BRF1: variants seen among roughly 807,000 people sequenced by gnomAD.
BRF1 encodes transcription factor IIIB 90 kDa subunit.
A neutral mutation model predicts 81.7 loss-of-function variants in BRF1; 59 were observed. The observed-to-expected ratio is 0.72, with a 90% CI of 0.59 to 0.90. The LOEUF is 0.90. Ranked by LOEUF, BRF1 falls within the 40% of genes least tolerant of loss-of-function variation. BRF1 has a pLI of 0.00. For missense variants in BRF1, 1,050 were observed against 936.3 expected, an observed-to-expected ratio of 1.12 and a Z score of -1.58; for synonymous variants, 491 against 395.6, an observed-to-expected ratio of 1.24 and a Z score of -2.86.
chr14:105,228,730 C>A, intron 7 of BRF1, 90 bp downstream of exon 7: 1 of 1,445,626 alleles, frequency 6.9e-7, no homozygotes, highest in Non-Finnish European at 9.6e-7. Flanking sequence ...GGCAGGGTCC[C>A]GGGAGGTGGC....
intron 5 of BRF1, among the ~76,000 whole-genome samples, chr14:105,243,829 C>G (rs970702076): frequency 1.3e-5 from 2 of 151,966 alleles, no homozygotes; most frequent in African/African-American, 2.4e-5. Flanking sequence ...AACCCCATCT[C>G]TACTAAAGAT....
intron 1 of BRF1, among the ~76,000 whole-genome samples, chr14:105,293,469 G>C (rs79420941): frequency 0.016 from 2,420 of 152,334 alleles, 28 homozygotes; most frequent in South Asian, 0.056. Context: ...TGCACAGGAC[G>C]AGGAGGGACC....
intron 2 of BRF1, among the ~76,000 whole-genome samples, chr14:105,283,346 C>T (rs1344915124): frequency 6.6e-6 from 1 of 152,188 alleles, no homozygotes; most frequent in African/African-American, 2.4e-5. Flanking sequence ...GGCATGGCCC[C>T]TGATGCTGCA....
chr14:105,273,151 G>A (rs1393095445), intron 2 of BRF1, among the ~76,000 whole-genome samples: 1 of 152,172 alleles, frequency 6.6e-6, no homozygotes, highest in East Asian at 1.9e-4. Context: ...TGTGCGGTGT[G>A]GCTGAATGTG....
At chr14:105,248,648 C>G in intron 5 of BRF1, 1 of 980,300 alleles carries the variant, frequency 1.0e-6, no homozygotes, top group Non-Finnish European at 1.2e-6. Flanking sequence ...CGGGCAGGGT[C>G]GCAGGGGCGG....
chr14:105,229,598 T>C (rs1277300646), intron 6 of BRF1, among the ~76,000 whole-genome samples: 1 of 152,136 alleles, frequency 6.6e-6, no homozygotes, highest in Non-Finnish European at 1.5e-5. Flanking sequence ...AGCTGCGACC[T>C]GGGGGGTCAC....
At chr14:105,219,989 C>G (rs756764977) in intron 12 of BRF1, 80 bp downstream of exon 12, 888 of 1,557,536 alleles carry the variant, frequency 5.7e-4, no homozygotes, top group Non-Finnish European at 7.6e-4. Flanking sequence ...GTGGCCAACC[C>G]CGCCCGACCA....
chr14:105,249,710 T>C, intron 5 of BRF1: 1 of 1,613,816 alleles, frequency 6.2e-7, no homozygotes, highest in South Asian at 1.1e-5. Flanking sequence ...TGCTAAGAAG[T>C]ACATCGTCCC....
intron 5 of BRF1, chr14:105,248,182 GC>G: frequency 1.0e-6 from 1 of 985,496 alleles, no homozygotes; most frequent in Non-Finnish European, 1.2e-6. Flanking sequence ...CTGGCTGCTG[GC>G]GTCCGTAGCA....
At chr14:105,299,212 A>C (rs2057879391) in intron 1 of BRF1, among the ~76,000 whole-genome samples, 1 of 152,054 alleles carries the variant, frequency 6.6e-6, no homozygotes, top group Non-Finnish European at 1.5e-5. Context: ...CACATATACA[A>C]CAAAGGGCTT....
intron 6 of BRF1, among the ~76,000 whole-genome samples, chr14:105,229,505 C>A (rs587598504): frequency 6.6e-6 from 1 of 152,182 alleles, no homozygotes; most frequent in Non-Finnish European, 1.5e-5. Flanking sequence ...ACCTGGGGCT[C>A]CAATTCCGGA....
intron 15 of BRF1, among the ~76,000 whole-genome samples, chr14:105,215,983 C>CAG (rs1555376220): frequency 7.7e-6 from 1 of 130,706 alleles, no homozygotes; most frequent in Admixed American, 7.4e-5. Flanking sequence ...ACACTGCATA[C>CAG]ACAGGCGCAC....
rs976431897 is a variant in BRF1 at position 105,269,847 on chromosome 14, G to A, written c.439+2874C>T. On this transcript the variant is annotated intron_variant, in intron 3 of 17. Transcript: ENST00000547530. The surrounding 1 kb of genome is among the most constrained non-coding windows in gnomAD (Gnocchi z 5.0). ...GTCCCAGTGCCGGCCTGCACCCTAG[G>A]CCCTGCTCCACAGCAGTCCCCACAC... is the stretch of plus-strand genomic sequence containing the variant. Among the ~76,000 whole-genome samples, 1 of 152,306 alleles carries A rather than the reference G, an allele frequency of 6.6e-6. No homozygotes were observed. Among genetic ancestry groups the A allele is most frequent in the South Asian group, 2.1e-4 (1 of 4,826 alleles).
At chr14:105,301,048 T>A, upstream of BRF1, 1 of 151,326 alleles carries the variant, frequency 6.6e-6, no homozygotes, top group Non-Finnish European at 1.5e-5. Flanking sequence ...GGACTGGAGT[T>A]TGGGGCGGGG....
Position 105,284,357 on chromosome 14 carries a change from C to T in BRF1, c.265+1939G>A, listed in dbSNP as rs372799485. Among the ~76,000 whole-genome samples, 3 of 152,330 alleles carry T rather than the reference C, an allele frequency of 2.0e-5. No homozygotes were observed. In the South Asian group the frequency reaches 6.2e-4, roughly 32 times the overall value. ...AGGGAAGCGTAAGGATCCATCCACT[C>T]TGCTGTGAGGGATCATCGCAAGCCC... On this transcript the variant is annotated intron_variant, in intron 2 of 17. Transcript: ENST00000547530. The surrounding 1 kb of genome is among the most constrained non-coding windows in gnomAD (Gnocchi z 4.0).
chr14:105,250,208 G>A, intron 5 of BRF1: 3 of 1,612,952 alleles, frequency 1.9e-6, no homozygotes, highest in Non-Finnish European at 2.5e-6. Context: ...CAAGAGGAAG[G>A]GCCTCGCCCC....
chr14:105,256,680 T>C (rs2055890795), intron 3 of BRF1, 131 bp from the exon 4 acceptor site: 11 of 1,408,996 alleles, frequency 7.8e-6, no homozygotes, highest in African/African-American at 2.9e-5. Flanking sequence ...AGCTCCACCT[T>C]TGATCAGGAA....
chr14:105,285,660 T>G (rs896137283), intron 2 of BRF1, among the ~76,000 whole-genome samples: 2 of 152,162 alleles, frequency 1.3e-5, no homozygotes, highest in Non-Finnish European at 2.9e-5. Context: ...ATAGGTAAAC[T>G]GGATACTATC....
chr14:105,228,984 C>G, intron 6 of BRF1, 71 bp from the exon 7 acceptor site: 2 of 1,383,520 alleles, frequency 1.4e-6, no homozygotes, highest in Non-Finnish European at 2.0e-6. Flanking sequence ...CGGCCCAGGA[C>G]AACACTGCGG....
Sources: allele counts gnomAD v4.1 joint callset (sites outside exome capture counted in the v4.1 genomes callset), GRCh38; gene constraint gnomAD v4.1.1; non-coding constraint Gnocchi (gnomAD v3.1); transcripts MANE v1.5; gene names NCBI Gene and HGNC (gene_info 2026-07-23, HGNC 2026-07-21).